EDEM1: variants seen among roughly 807,000 people sequenced by gnomAD.
EDEM1 encodes ER degradation enhancing alpha-mannosidase like protein 1.
In EDEM1, 67 loss-of-function variants were observed where a neutral mutation model predicts 74.4. The observed-to-expected ratio is 0.90, with a 90% CI of 0.74 to 1.10. The LOEUF (loss-of-function observed/expected upper bound fraction) is 1.10, where lower values mean the gene tolerates loss of function less well. Ranked by LOEUF, EDEM1 falls within the 50% of genes least tolerant of loss-of-function variation. The pLI is 0.00. For missense variants in EDEM1, 926 were observed against 851.6 expected (o/e 1.09, Z -1.09); for synonymous variants, 382 against 335.9 (o/e 1.14, Z -1.50).
rs73807501 is a variant in EDEM1, at chr3:5,195,122, C to T, written c.510-87C>T. 980 of 676,724 alleles carry T rather than the reference C, an allele frequency of 1.4e-3. 13 individuals are homozygous for T. In the African/African-American group the frequency reaches 0.016, roughly 11 times the overall value. The allele number at this position is 676,724 out of a possible 1,614,324, so 41.9% of individuals were successfully genotyped here. A position where few individuals can be genotyped will look rare whatever the true frequency, so the allele number is the denominator to read the frequency against. On this transcript the variant is annotated intron_variant, in intron 1 of 11. Transcript: ENST00000256497. The stretch of plus-strand genomic sequence containing the variant: ...TTCCTGAATAAATAAGAGTTGCTGG[C>T]AATTATAGTTTCTGATGGGTGTTTA...
rs1194315597 is a variant in EDEM1, at chr3:5,213,502, GTCA to G, written c.1868_1870del (p.Ile623del). 3 of 1,611,390 alleles carry G rather than the reference GTCA, an allele frequency of 1.9e-6. No homozygotes were observed. Among genetic ancestry groups the G allele is most frequent in the African/African-American group, 1.3e-5 (1 of 74,884 alleles). ...CAGGCCGAAACCTCATGAGTTAAAA[GTCA>G]TCAACTCCAGCTCCAACGTGAGTTG... On this transcript the variant is annotated inframe_deletion, in exon 11 of 12. Coordinates refer to ENST00000256497, the MANE Select transcript of EDEM1 (RefSeq NM_014674.3).
rs189576096 is a variant in EDEM1, at chr3:5,201,677, T to C, written c.687-76T>C. On this transcript the variant is annotated intron_variant, in intron 3 of 11. Transcript: ENST00000256497. ...GAGTCTATGTGGATATGAACATACTTCTATCTTTCTGAATTGGATTATGTG... is the reference window on the plus strand; with the variant it reads ...GAGTCTATGTGGATATGAACATACTCCTATCTTTCTGAATTGGATTATGTG... The C allele has an allele frequency of 1.4e-4, 216 of 1,561,154 alleles. No individual in the cohort carries two copies. In the African/African-American group the frequency reaches 2.7e-3, roughly 20 times the overall value.
chr3:5,211,169 C>T lies in EDEM1; in HGVS notation c.1633C>T (p.Arg545Trp), dbSNP rs1371847241. The T allele has an allele frequency of 6.2e-6, 10 of 1,614,106 alleles. No homozygotes were observed. Among genetic ancestry groups the T allele is most frequent in the East Asian group, 2.2e-5 (1 of 44,882 alleles). The change falls in exon 10 of 12, where the codon CGG becomes TGG. Residue 545 changes from arginine to tryptophan, a missense_variant. Arg to Trp is a moderately radical substitution (Grantham distance 101, BLOSUM62 -3). Coordinates refer to ENST00000256497, the MANE Select transcript of EDEM1 (RefSeq NM_014674.3). The part of the protein sequence containing the change: ...HHVIDKSTED[R>W]MESFFLSETC... ...CGTCATTGACAAGTCCACAGAAGAC[C>T]GGATGGAGAGCTTCTTTCTCAGTGA... is the stretch of plus-strand genomic sequence containing the variant.
rs1416277799 is a variant in EDEM1, at chr3:5,216,494, G to A, written c.*576G>A. The A allele has an allele frequency of 6.6e-6, 1 of 152,060 alleles. No homozygotes were observed. Among genetic ancestry groups the A allele is most frequent in the Non-Finnish European group, 1.5e-5 (1 of 68,018 alleles). 9.4% of individuals were successfully genotyped at this position (152,060 alleles called of 1,614,324 possible). ...CTGCAAAAGGGCCCATGGTTCATTT[G>A]GTATCCCTATTTAATTGCATTGAAA... On this transcript the variant is annotated 3_prime_UTR_variant, in exon 12 of 12. Transcript: ENST00000256497.
At chr3:5,200,141 A>G (rs1055734353) in intron 3 of EDEM1, among the ~76,000 whole-genome samples, 1 of 152,164 alleles carries the variant, frequency 6.6e-6, no homozygotes, top group Admixed American at 6.5e-5. Flanking sequence ...CATGTTGGCC[A>G]GGCTGGTCTC....
chr3:5,206,742 T>G (rs905400770), intron 6 of EDEM1, among the ~76,000 whole-genome samples: 5 of 152,216 alleles, frequency 3.3e-5, no homozygotes, highest in Non-Finnish European at 7.3e-5. Context: ...TCTGATGCAT[T>G]TCTCCAGGCC....
chr3:5,206,486 G>A (rs1176920802), intron 6 of EDEM1, among the ~76,000 whole-genome samples: 1 of 152,096 alleles, frequency 6.6e-6, no homozygotes. Flanking sequence ...GATTACAGGT[G>A]TGAGCCACCA....
Position 5,199,670 on chromosome 3 carries a change from GTCC to G in EDEM1, c.662_664del (p.Val221_Gln222delinsGlu). 1.2e-6 allele frequency: 2 copies of G among 1,613,524 alleles called. No homozygotes were observed. The highest frequency in any genetic ancestry group is 1.7e-6 in the Non-Finnish European group (2 of 1,179,722). ...AGTTTCATTTGACAAAGATTCCACC[GTCC>G]AAGTCTTTGAGGCCACGATAAGGTA... On this transcript the variant is annotated inframe_deletion, in exon 3 of 12. Transcript: ENST00000256497.
chr3:5,208,233 G>A lies in EDEM1; in HGVS notation c.1479G>A (p.Glu493=). 1 of 1,612,722 alleles carries A rather than the reference G, an allele frequency of 6.2e-7. No homozygotes were observed. The highest frequency in any genetic ancestry group is 8.5e-7 in the Non-Finnish European group (1 of 1,179,652). ...PDVLFYPLRP[E]LVESTYLLYQ... is the part of the protein sequence containing the mutation. ...TTCTCTTCTACCCACTGAGACCAGAGTTAGTGGAATCCACATATCTCCTCT... is the reference window on the plus strand; with the variant it reads ...TTCTCTTCTACCCACTGAGACCAGAATTAGTGGAATCCACATATCTCCTCT... Residue 493 remains glutamate, a synonymous_variant, in exon 8 of 12, where the codon GAG becomes GAA. Transcript: ENST00000256497.
rs1448005203 is a variant in EDEM1 at position 5,218,072 on chromosome 3, G to A, written c.*2154G>A. 2 of 152,236 alleles carry A rather than the reference G, an allele frequency of 1.3e-5. No homozygotes were observed. Among genetic ancestry groups the A allele is most frequent in the East Asian group, 1.9e-4 (1 of 5,198 alleles). The allele number at this position is 152,236 out of a possible 1,614,324, so 9.4% of individuals were successfully genotyped here. A position where few individuals can be genotyped will look rare whatever the true frequency, so the allele number is the denominator to read the frequency against. On this transcript the variant is annotated 3_prime_UTR_variant, in exon 12 of 12. Transcript: ENST00000256497. ...CCTTCCTCCTCATGCTCCTGGAATA[G>A]GGAATAGGGATCTCATGCTTGCAAA... is the stretch of plus-strand genomic sequence containing the variant.
rs2055238354 is a variant in EDEM1, at chr3:5,216,457, AG to A, written c.*540del. The A allele has an allele frequency of 6.6e-6, 1 of 152,158 alleles. No homozygotes were observed. The highest frequency in any genetic ancestry group is 2.1e-4 in the South Asian group (1 of 4,826). 9.4% of individuals were successfully genotyped at this position (152,158 alleles called of 1,614,324 possible). On this transcript the variant is annotated 3_prime_UTR_variant, in exon 12 of 12. Coordinates refer to ENST00000256497, the MANE Select transcript of EDEM1 (RefSeq NM_014674.3). Reference sequence around the variant, plus strand: ...TAGCTACTTCTTTGTTAGAGGATTGAGAATGAAATTTCTGCAAAAGGGCCCA... The same window carrying A: ...TAGCTACTTCTTTGTTAGAGGATTGAAATGAAATTTCTGCAAAAGGGCCCA...
At chr3:5,188,487 G>C in intron 1 of EDEM1, 173 bp downstream of exon 1, 1 of 694,486 alleles carries the variant, frequency 1.4e-6, no homozygotes, top group South Asian at 5.5e-5. Flanking sequence ...CCCCGAGCTT[G>C]AGGGTGCGGG....
intron 2 of EDEM1, among the ~76,000 whole-genome samples, chr3:5,197,550 G>C (rs1479764254): frequency 6.6e-6 from 1 of 152,198 alleles, no homozygotes; most frequent in Non-Finnish European, 1.5e-5. Context: ...AGCACCTGCA[G>C]CTTCACCAGA....
At position 5,188,107 on chromosome 3, in the gene EDEM1, G is replaced by C; in HGVS notation, c.302G>C (p.Gly101Ala). ...GGGATGTGCGGCCCAGCCAACTGGG[G>C]CTACGTGCTGGGCGGCCGGGGCCGC... ...GPGMCGPANWGYVLGGRGRGP... is the reference protein window; with the variant it reads ...GPGMCGPANWAYVLGGRGRGP... The change falls in exon 1 of 12, where the codon GGC (glycine) becomes GCC (alanine). Residue 101 changes from glycine to alanine, a missense_variant. Physicochemically the swap from Gly to Ala is moderately conservative, Grantham distance 60 (BLOSUM62 0). Coordinates refer to ENST00000256497, the MANE Select transcript of EDEM1 (RefSeq NM_014674.3). 6.6e-7 allele frequency: 1 copy of C among 1,516,616 alleles called. No individual in the cohort carries two copies. Among genetic ancestry groups the C allele is most frequent in the Non-Finnish European group, 8.8e-7 (1 of 1,131,644 alleles). 93.9% of individuals were successfully genotyped at this position (1,516,616 alleles called of 1,614,324 possible).
Position 5,203,132 on chromosome 3 carries a change from A to G in EDEM1, c.1025A>G (p.Asn342Ser), listed in dbSNP as rs778202869. Reference protein sequence around the residue: ...AVKALWNLRSNDTGLLGNVVN... With the variant: ...AVKALWNLRSSDTGLLGNVVN... The stretch of plus-strand genomic sequence containing the variant: ...AAAGCCCTTTGGAACCTCCGGAGCA[A>G]TGATACAGGATTACTAGGTGTGGCA... The change falls in exon 5 of 12, where the codon AAT becomes AGT. Residue 342 changes from asparagine to serine, a missense_variant. Coordinates refer to ENST00000256497, the MANE Select transcript of EDEM1 (RefSeq NM_014674.3). 7.6e-6 allele frequency: 12 copies of G among 1,586,850 alleles called. No homozygotes were observed. Among genetic ancestry groups the G allele is most frequent in the South Asian group, 1.2e-5 (1 of 86,446 alleles).
chr3:5,203,273 A>T (rs1286240906), intron 5 of EDEM1, 124 bp downstream of exon 5: 15 of 998,694 alleles, frequency 1.5e-5, no homozygotes, highest in Non-Finnish European at 2.1e-5. Context: ...GAATTGTGTC[A>T]GCTCTATCTA....
intron 7 of EDEM1, 142 bp from the exon 8 acceptor site, chr3:5,207,951 T>G: frequency 1.1e-6 from 1 of 949,458 alleles, no homozygotes; most frequent in East Asian, 2.7e-5. Flanking sequence ...GGTTGTCACT[T>G]TTGGGTTGGT....
chr3:5,207,582 C>T (rs1250667226), intron 7 of EDEM1, among the ~76,000 whole-genome samples: 1 of 152,218 alleles, frequency 6.6e-6, no homozygotes, highest in African/African-American at 2.4e-5. Context: ...TCTTGGCTCA[C>T]TGCAACCTCC....
At chr3:5,188,770 A>T (rs960481782) in intron 1 of EDEM1, among the ~76,000 whole-genome samples, 6 of 152,144 alleles carry the variant, frequency 3.9e-5, no homozygotes, top group African/African-American at 1.4e-4. Flanking sequence ...TCACATTGCC[A>T]CACCCACGTC....
Sources: gnomAD v4.1 joint callset for allele counts (sites outside exome capture counted in the v4.1 genomes callset) on GRCh38, gnomAD v4.1.1 for gene constraint, MANE v1.5 for transcripts, NCBI Gene and HGNC (gene_info 2026-07-23, HGNC 2026-07-21) for gene names.